The following PPP3CA variants were observed in gnomAD, a reference collection of about 807,000 sequenced individuals.
PPP3CA encodes protein phosphatase 3 catalytic subunit alpha, also known as CAM-PRP catalytic subunit.
A neutral mutation model predicts 66.5 loss-of-function variants in PPP3CA; 14 were observed. The ratio of observed to expected loss-of-function variants is 0.21; its 90% CI spans 0.14 to 0.33. PPP3CA has a LOEUF of 0.33. Among genes scored for constraint, PPP3CA ranks in the 10% least tolerant of loss-of-function variants. PPP3CA has a pLI of 1.00. For missense variants in PPP3CA, 317 were observed against 639.5 expected, an observed-to-expected ratio of 0.50 and a Z score of 5.44; for synonymous variants, 232 against 226.2, an observed-to-expected ratio of 1.03 and a Z score of -0.23.
intron 2 of PPP3CA, among the ~76,000 whole-genome samples, chr4:101,111,871 G>T (rs1178990048): frequency 6.6e-6 from 1 of 152,120 alleles, no homozygotes; most frequent in African/African-American, 2.4e-5. Flanking sequence ...TTTCAAAATG[G>T]CTGTATTTAA....
At chr4:101,198,695 C>A (rs560914497) in intron 1 of PPP3CA, among the ~76,000 whole-genome samples, 1 of 152,228 alleles carries the variant, frequency 6.6e-6, no homozygotes, top group South Asian at 2.1e-4. Context: ...GGAGAGCACC[C>A]CAGGGAGTGC....
intron 1 of PPP3CA, among the ~76,000 whole-genome samples, chr4:101,310,843 T>C (rs1018056482): frequency 1.4e-4 from 21 of 152,142 alleles, no homozygotes; most frequent in Non-Finnish European, 2.5e-4. Context: ...AAACTATAAA[T>C]GTACTTGGCA....
chr4:101,161,834 G>T (rs1723519591), intron 2 of PPP3CA, among the ~76,000 whole-genome samples: 2 of 152,110 alleles, frequency 1.3e-5, no homozygotes, highest in Non-Finnish European at 2.9e-5. Flanking sequence ...ACCATAATAG[G>T]AGTTGCCTAA....
At chr4:101,066,186 T>C (rs1274970891) in intron 8 of PPP3CA, among the ~76,000 whole-genome samples, 1 of 152,130 alleles carries the variant, frequency 6.6e-6, no homozygotes, top group Non-Finnish European at 1.5e-5. Context: ...AATACACTCA[T>C]CCTAATAGTA....
At chr4:101,214,579 AG>A (rs1205417275) in intron 1 of PPP3CA, among the ~76,000 whole-genome samples, 1 of 152,088 alleles carries the variant, frequency 6.6e-6, no homozygotes, top group African/African-American at 2.4e-5. Context: ...CATTGTCTCC[AG>A]GGAGCAAGTT....
intron 3 of PPP3CA, among the ~76,000 whole-genome samples, chr4:101,105,213 C>G (rs575955347): frequency 6.6e-4 from 97 of 146,360 alleles, no homozygotes; most frequent in African/African-American, 2.2e-3. Context: ...TGTTGCTAGG[C>G]TGGAGTGCAG....
intron 8 of PPP3CA, among the ~76,000 whole-genome samples, chr4:101,078,739 C>T (rs1196103479): frequency 6.6e-6 from 1 of 152,078 alleles, no homozygotes; most frequent in Non-Finnish European, 1.5e-5. Context: ...TTTAAAGGTG[C>T]TTGTGACCCA....
intron 1 of PPP3CA, among the ~76,000 whole-genome samples, chr4:101,203,256 C>T (rs931382438): frequency 9.2e-5 from 14 of 152,186 alleles, no homozygotes; most frequent in African/African-American, 2.2e-4. Flanking sequence ...CAACACTTTG[C>T]GAGGCCGAGG....
At chr4:101,091,392 G>A (rs918494414) in intron 6 of PPP3CA, among the ~76,000 whole-genome samples, 12 of 151,868 alleles carry the variant, frequency 7.9e-5, no homozygotes, top group South Asian at 4.2e-4. Context: ...TATACCATGC[G>A]TCTTTAATTC....
At chr4:101,258,855 G>A (rs1726923504) in intron 1 of PPP3CA, among the ~76,000 whole-genome samples, 1 of 152,126 alleles carries the variant, frequency 6.6e-6, no homozygotes, top group African/African-American at 2.4e-5. Context: ...CAAGTGAACT[G>A]TTGAAGCCCA....
rs3840161 is a variant in PPP3CA, at chr4:101,317,253, A to AACACACACACACAC, written c.58+29472_58+29485dup. Among the ~76,000 whole-genome samples, 890 of 145,380 alleles carry AACACACACACACAC rather than the reference A, an allele frequency of 6.1e-3. 10 individuals are homozygous for AACACACACACACAC. Among genetic ancestry groups the AACACACACACACAC allele is most frequent in the African/African-American group, 0.022 (858 of 38,668 alleles). ...GGAGGCCCCTTAACTCGGTACTCCC[A>AACACACACACACAC]ACACACACACACACACACACACACA... is the stretch of plus-strand genomic sequence containing the variant. On this transcript the variant is annotated intron_variant, in intron 1 of 13. Coordinates refer to ENST00000394854, the MANE Select transcript of PPP3CA (RefSeq NM_000944.5).
intron 1 of PPP3CA, among the ~76,000 whole-genome samples, chr4:101,305,875 A>G (rs1040253641): frequency 6.9e-6 from 1 of 145,956 alleles, no homozygotes; most frequent in Non-Finnish European, 1.5e-5. Context: ...GACAAATAGG[A>G]AAGTACCAAA....
intron 2 of PPP3CA, among the ~76,000 whole-genome samples, chr4:101,145,937 T>C (rs1401450493): frequency 6.6e-6 from 1 of 152,184 alleles, no homozygotes; most frequent in Non-Finnish European, 1.5e-5. Flanking sequence ...AATATTATGT[T>C]AAAAGCTAAT....
In PPP3CA at chr4:101,071,207, G is replaced by A. The variant is rs543856051; in HGVS notation, c.956-7850C>T. Among the ~76,000 whole-genome samples the A allele has an allele frequency of 9.9e-5, 15 of 152,276 alleles. No homozygotes were observed. In the South Asian group the frequency reaches 2.1e-3, roughly 21 times the overall value. ...AAACTGGTGTTATCACTACACATTC[G>A]TAGAAGACCCTTTTCAACTTCAAGC... On this transcript the variant is annotated intron_variant, in intron 8 of 13. Transcript: ENST00000394854.
chr4:101,223,207 TA>T (rs1283147044), intron 1 of PPP3CA, among the ~76,000 whole-genome samples: 5 of 151,804 alleles, frequency 3.3e-5, no homozygotes, highest in African/African-American at 1.2e-4. Context: ...ATTGATTCCC[TA>T]GGTGAGAGAG....
chr4:101,254,526 T>C (rs1336129951), intron 1 of PPP3CA, among the ~76,000 whole-genome samples: 2 of 151,938 alleles, frequency 1.3e-5, no homozygotes, highest in African/African-American at 2.4e-5. Context: ...ATGCTAATAG[T>C]TCCTGACAAT....
chr4:101,092,121 G>A (rs1729980470), intron 6 of PPP3CA, among the ~76,000 whole-genome samples: 1 of 151,846 alleles, frequency 6.6e-6, no homozygotes, highest in Non-Finnish European at 1.5e-5. Flanking sequence ...TTTCTGAAGT[G>A]TTATAAAATG....
intron 11 of PPP3CA, among the ~76,000 whole-genome samples, chr4:101,032,783 T>TA (rs965361111): frequency 1.3e-5 from 2 of 151,908 alleles, no homozygotes; most frequent in Non-Finnish European, 1.5e-5. Flanking sequence ...TTTGACGGAA[T>TA]AAAAAAACAG....
intron 10 of PPP3CA, among the ~76,000 whole-genome samples, chr4:101,060,137 G>C (rs1220516683): frequency 6.6e-6 from 1 of 152,036 alleles, no homozygotes; most frequent in Non-Finnish European, 1.5e-5. Flanking sequence ...ACCCAGGCTG[G>C]AGTACTGTGG....
Sources: gnomAD v4.1 joint callset for allele counts (sites outside exome capture counted in the v4.1 genomes callset) on GRCh38, gnomAD v4.1.1 for gene constraint, MANE v1.5 for transcripts, NCBI Gene and HGNC (gene_info 2026-07-23, HGNC 2026-07-21) for gene names.